The following NFATC2 variants were observed in gnomAD, a reference collection of about 807,000 sequenced individuals.
The protein encoded by NFATC2 is nuclear factor of activated T cells 2, also known as nuclear factor of activated T-cells, cytoplasmic 2.
Under a neutral mutation model 87.3 loss-of-function variants are expected in NFATC2, and 22 were observed. That is an observed-to-expected ratio of 0.25 (90% CI 0.18 to 0.36). NFATC2 has a LOEUF of 0.36. Ranked by LOEUF, NFATC2 falls within the 10% of genes least tolerant of loss-of-function variation. The pLI, the probability that NFATC2 is intolerant of heterozygous loss-of-function variation, is 1.00. For synonymous variants in NFATC2, 565 were observed against 542.2 expected (o/e 1.04, Z -0.58); for missense variants, 1,149 against 1,259.1 (o/e 0.91, Z 1.32).
At chr20:51,507,795 G>A (rs1277773762) in intron 3 of NFATC2, among the ~76,000 whole-genome samples, 1 of 152,222 alleles carries the variant, frequency 6.6e-6, no homozygotes, top group African/African-American at 2.4e-5. Flanking sequence ...TCGCGCGCTG[G>A]CTGGGGGTGA....
chr20:51,433,022 G>A (rs2244571), intron 8 of NFATC2, among the ~76,000 whole-genome samples: 78,747 of 151,908 alleles, frequency 0.52, 22,576 homozygotes, highest in South Asian at 0.64. Context: ...TCAGCCCTGG[G>A]ATGTTTACAG....
chr20:51,435,515 T>G (rs1762386014), intron 7 of NFATC2, among the ~76,000 whole-genome samples, 191 bp downstream of exon 7: 2 of 152,128 alleles, frequency 1.3e-5, no homozygotes, highest in Non-Finnish European at 2.9e-5. Flanking sequence ...TAATAAGGTG[T>G]CACAGTTGCA....
intron 3 of NFATC2, among the ~76,000 whole-genome samples, chr20:51,506,533 T>C (rs2076184681): frequency 7.7e-6 from 1 of 129,792 alleles, no homozygotes; most frequent in Admixed American, 8.4e-5. Flanking sequence ...CTCCAGTTCA[T>C]GACTTTATTG....
intron 6 of NFATC2, among the ~76,000 whole-genome samples, chr20:51,442,496 T>C (rs1176051726): frequency 2.6e-5 from 4 of 152,172 alleles, no homozygotes; most frequent in African/African-American, 7.2e-5. Flanking sequence ...CAGACCAGTA[T>C]GTACCGCATG....
intron 3 of NFATC2, among the ~76,000 whole-genome samples, chr20:51,508,400 C>T (rs184294129): frequency 2.4e-4 from 36 of 152,316 alleles, no homozygotes; most frequent in African/African-American, 7.9e-4. Flanking sequence ...CAGCCGGGGA[C>T]ACGTGCGGCG....
intron 1 of NFATC2, among the ~76,000 whole-genome samples, chr20:51,541,933 A>G (rs1357583192): frequency 6.6e-6 from 1 of 151,806 alleles, no homozygotes; most frequent in Admixed American, 6.6e-5. Context: ...GTTCAGCTGC[A>G]CCCCCCTTCC....
intron 1 of NFATC2, among the ~76,000 whole-genome samples, chr20:51,526,775 A>G (rs2076552366): frequency 6.6e-6 from 1 of 151,964 alleles, no homozygotes; most frequent in African/African-American, 2.4e-5. Context: ...ATGGCTCCCC[A>G]CAGCTCTTAG....
chr20:51,427,808 C>T (rs1982074206), intron 9 of NFATC2, among the ~76,000 whole-genome samples: 1 of 152,222 alleles, frequency 6.6e-6, no homozygotes, highest in African/African-American at 2.4e-5. Flanking sequence ...ACCTCACCCC[C>T]AAACCAGGCA....
At chr20:51,479,334 A>G (rs1028331122) in intron 3 of NFATC2, among the ~76,000 whole-genome samples, 1 of 152,210 alleles carries the variant, frequency 6.6e-6, no homozygotes, top group Non-Finnish European at 1.5e-5. Flanking sequence ...ACAGTAATAC[A>G]GTGCCAGGCA....
At chr20:51,417,609 G>A (rs1019775319) in intron 9 of NFATC2, among the ~76,000 whole-genome samples, 8 of 152,058 alleles carry the variant, frequency 5.3e-5, no homozygotes, top group Non-Finnish European at 1.2e-4. Context: ...ATTGAACTCC[G>A]CACTTAGTCT....
Position 51,439,286 on chromosome 20 carries a change from C to T in NFATC2, c.1850-3525G>A, listed in dbSNP as rs572629210. Among the ~76,000 whole-genome samples, 63 of 152,214 alleles carry T rather than the reference C, an allele frequency of 4.1e-4. 1 individual carries two copies. Among genetic ancestry groups the T allele is most frequent in the Non-Finnish European group, 8.4e-4 (57 of 68,036 alleles). On this transcript the variant is annotated intron_variant, in intron 6 of 10. Coordinates refer to ENST00000371564, the MANE Select transcript of NFATC2 (RefSeq NM_012340.5). ...GGGCTTGTCTCATCTGTACAGCACC[C>T]ATAGGAGGCAGGTCTCCTCACCCCA...
chr20:51,432,219 G>A lies in NFATC2; in HGVS notation c.2570C>T (p.Pro857Leu), dbSNP rs150039512. 9.9e-6 allele frequency: 16 copies of A among 1,613,712 alleles called. No individual in the cohort carries two copies. The highest frequency in any genetic ancestry group is 2.2e-5 in the East Asian group (1 of 44,892). Reference sequence around the variant, plus strand: ...CTGAATGACTGTGGGGTAGGAACCCGGGCTCAGCCTCTGACCTTGACTGAC... The same window carrying A: ...CTGAATGACTGTGGGGTAGGAACCCAGGCTCAGCCTCTGACCTTGACTGAC... ...PPVSQGQRLS[P>L]GSYPTVIQQQ... Residue 857 changes from proline to leucine, a missense_variant, in exon 9 of 11, where the codon CCG (proline) becomes CTG (leucine). Coordinates refer to ENST00000371564, the MANE Select transcript of NFATC2 (RefSeq NM_012340.5). This position sits in a 1 kb window ranked among gnomAD's most constrained non-coding sequence, Gnocchi z 4.6.
intron 2 of NFATC2, 127 bp from the exon 3 acceptor site, chr20:51,517,082 G>T: frequency 1.0e-6 from 1 of 992,668 alleles, no homozygotes; most frequent in Non-Finnish European, 1.5e-6. Context: ...ATGAGGATAC[G>T]TTCCGGGAAA....
At chr20:51,492,109 C>T (rs1018953751) in intron 3 of NFATC2, among the ~76,000 whole-genome samples, 2 of 152,044 alleles carry the variant, frequency 1.3e-5, no homozygotes, top group Non-Finnish European at 2.9e-5. Context: ...TCCTACAAAC[C>T]AAATCACCTC....
chr20:51,487,961 C>T (rs78465300), intron 3 of NFATC2, among the ~76,000 whole-genome samples: 6 of 152,216 alleles, frequency 3.9e-5, no homozygotes, highest in East Asian at 1.9e-4. Flanking sequence ...GGCGCTGAGA[C>T]GGGCTCTGTC....
intron 9 of NFATC2, among the ~76,000 whole-genome samples, chr20:51,414,117 G>A (rs1166571235): frequency 6.6e-6 from 1 of 152,198 alleles, no homozygotes; most frequent in Middle Eastern, 3.2e-3. Flanking sequence ...GCAGGAAGCT[G>A]AGCCAGGTCT....
chr20:51,430,760 C>T (rs1327971803), intron 9 of NFATC2, among the ~76,000 whole-genome samples: 1 of 152,184 alleles, frequency 6.6e-6, no homozygotes. Flanking sequence ...GAGGATATTT[C>T]TGGCACTGCG....
upstream of NFATC2, chr20:51,542,727 C>T: frequency 1.2e-6 from 1 of 864,116 alleles, no homozygotes; most frequent in Non-Finnish European, 1.4e-6. Context: ...GCTCCGGAGG[C>T]ACCTGTTGCA....
intron 1 of NFATC2, among the ~76,000 whole-genome samples, chr20:51,532,199 T>C (rs990426827): frequency 1.3e-5 from 2 of 152,190 alleles, no homozygotes; most frequent in African/African-American, 4.8e-5. Flanking sequence ...AAGCAGCTGA[T>C]ATCGTTTCCC....
Sources: gnomAD v4.1 joint callset for allele counts (sites outside exome capture counted in the v4.1 genomes callset) on GRCh38, gnomAD v4.1.1 for gene constraint, Gnocchi (gnomAD v3.1) non-coding constraint, MANE v1.5 for transcripts, NCBI Gene and HGNC (gene_info 2026-07-23, HGNC 2026-07-21) for gene names.